The following ARHGEF3 variants were observed in gnomAD, a reference collection of about 807,000 sequenced individuals.
The protein encoded by ARHGEF3 is Rho guanine nucleotide exchange factor 3, also known as 59.8 kDA protein.
Under a neutral mutation model 63.2 loss-of-function variants are expected in ARHGEF3, and 28 were observed. The observed-to-expected ratio is 0.44, with a 90% CI of 0.33 to 0.61. The LOEUF is 0.61. Ranked by LOEUF, ARHGEF3 falls within the 20% of genes least tolerant of loss-of-function variation. ARHGEF3 has a pLI of 0.03. For missense variants in ARHGEF3, 533 were observed against 659.3 expected, an observed-to-expected ratio of 0.81 and a Z score of 2.10; for synonymous variants, 266 against 254.2, an observed-to-expected ratio of 1.05 and a Z score of -0.44.
chr3:57,007,322 A>G (rs1170154569), intron 2 of ARHGEF3: 1 of 1,289,698 alleles, frequency 7.8e-7, no homozygotes, highest in South Asian at 1.2e-5. Context: ...GGTTCCAGAA[A>G]CACCTCCAAC....
chr3:56,899,479 G>A (rs993771790), intron 3 of ARHGEF3, among the ~76,000 whole-genome samples: 1 of 152,134 alleles, frequency 6.6e-6, no homozygotes, highest in Non-Finnish European at 1.5e-5. Context: ...TCAGACAATA[G>A]CACCTAGTTA....
At chr3:56,940,070 CTG>C (rs1426857561) in intron 3 of ARHGEF3, 1 of 152,096 alleles carries the variant, frequency 6.6e-6, no homozygotes, top group East Asian at 1.9e-4. Context: ...CTGTAGATGG[CTG>C]TGTTTCAACT....
chr3:56,808,724 A>AGGT, intron 4 of ARHGEF3, among the ~76,000 whole-genome samples: 1 of 152,204 alleles, frequency 6.6e-6, no homozygotes, highest in Non-Finnish European at 1.5e-5. Flanking sequence ...CCTCTGGTTC[A>AGGT]TAAGAGCAAT....
In ARHGEF3 at chr3:56,892,071, C is replaced by T. The variant is rs371439007; in HGVS notation, c.130-9717G>A. Among the ~76,000 whole-genome samples the T allele has an allele frequency of 3.3e-5, 5 of 152,224 alleles. 1 individual carries two copies. Among genetic ancestry groups the T allele is most frequent in the East Asian group, 3.9e-4 (2 of 5,182 alleles). On this transcript the variant is annotated intron_variant, in intron 3 of 12. Transcript: ENST00000338458. ...GGGAGGAGGGAGGAGACCTAGCCAGCCTGACAGTGCCACCACCAACCCTGA... is the reference window on the plus strand; with the variant it reads ...GGGAGGAGGGAGGAGACCTAGCCAGTCTGACAGTGCCACCACCAACCCTGA...
At chr3:56,791,082 C>CT (rs1466808789) in intron 1 of ARHGEF3, among the ~76,000 whole-genome samples, 1 of 152,130 alleles carries the variant, frequency 6.6e-6, no homozygotes, top group East Asian at 1.9e-4. Context: ...AACATTAGGT[C>CT]TGCAGAGTTC....
chr3:56,730,642 A>G (rs1361758142), intron 9 of ARHGEF3, among the ~76,000 whole-genome samples: 2 of 152,178 alleles, frequency 1.3e-5, no homozygotes, highest in African/African-American at 4.8e-5. Flanking sequence ...CAGCCTCCCA[A>G]AAAGATGGGA....
At chr3:56,923,051 TATATATATATATATATATATATATAA>T (rs2042186278) in intron 3 of ARHGEF3, among the ~76,000 whole-genome samples, 1 of 16,334 alleles carries the variant, frequency 6.1e-5, no homozygotes, top group Admixed American at 6.1e-4. Flanking sequence ...TATATATATA[TATATATATATATATATATATATATAA>T]ATTAGTTGGG....
intron 2 of ARHGEF3, among the ~76,000 whole-genome samples, chr3:56,770,646 C>T (rs1459339240): frequency 4.6e-5 from 7 of 152,034 alleles, no homozygotes; most frequent in Non-Finnish European, 7.4e-5. Flanking sequence ...AACATGGCTG[C>T]TAACTCTGCA....
chr3:56,894,772 A>G (rs2041244421), intron 3 of ARHGEF3, among the ~76,000 whole-genome samples: 1 of 152,154 alleles, frequency 6.6e-6, no homozygotes, highest in African/African-American at 2.4e-5. Context: ...CGAAAGTCCT[A>G]AAAAAGAATT....
chr3:56,937,952 C>T (rs1404838793), intron 3 of ARHGEF3, among the ~76,000 whole-genome samples: 4 of 152,178 alleles, frequency 2.6e-5, no homozygotes, highest in African/African-American at 4.8e-5. Flanking sequence ...CAGTCTCATT[C>T]CCCCTTTTCT....
At chr3:56,802,043 G>C, upstream of ARHGEF3, 1 of 1,366,094 alleles carries the variant, frequency 7.3e-7, no homozygotes, top group Non-Finnish European at 9.4e-7. Flanking sequence ...CCACGCTGCC[G>C]GGAGGGCCCA....
intron 2 of ARHGEF3, among the ~76,000 whole-genome samples, chr3:56,962,688 A>G (rs532859035): frequency 1.3e-5 from 2 of 152,296 alleles, no homozygotes; most frequent in African/African-American, 4.8e-5. Context: ...CAACCTTACA[A>G]AAGGTGGGAA....
intron 1 of ARHGEF3, among the ~76,000 whole-genome samples, chr3:57,049,091 C>T (rs370638256): frequency 1.1e-4 from 17 of 152,334 alleles, no homozygotes; most frequent in African/African-American, 3.6e-4. Context: ...TCCCAGGAGC[C>T]GGGCACGGTG....
upstream of ARHGEF3, chr3:56,802,094 T>A: frequency 9.8e-7 from 1 of 1,023,492 alleles, no homozygotes; most frequent in Admixed American, 4.5e-5. Flanking sequence ...GCGAGGGGCG[T>A]GGGGCGGTCC....
intron 2 of ARHGEF3, chr3:56,975,731 G>C: frequency 2.5e-6 from 1 of 401,302 alleles, no homozygotes; most frequent in South Asian, 1.8e-5. Context: ...AGCCACAACA[G>C]AGGAAAGGAG....
chr3:56,869,379 A>C (rs1217628398), intron 4 of ARHGEF3, among the ~76,000 whole-genome samples: 1 of 152,218 alleles, frequency 6.6e-6, no homozygotes, highest in Non-Finnish European at 1.5e-5. Flanking sequence ...ATACTGAGTC[A>C]GCTCTCTCCG....
chr3:56,938,697 G>T (rs951183479), intron 3 of ARHGEF3: 1 of 152,202 alleles, frequency 6.6e-6, no homozygotes, highest in Non-Finnish European at 1.5e-5. Context: ...AGATAAAACA[G>T]AAATTAGCCA....
intron 3 of ARHGEF3, among the ~76,000 whole-genome samples, chr3:56,919,892 G>A (rs2042082631): frequency 6.6e-6 from 1 of 152,176 alleles, no homozygotes; most frequent in Non-Finnish European, 1.5e-5. Context: ...GTGGGGCCTA[G>A]CAAGCTTACT....
At chr3:57,018,859 G>A (rs371379698) in intron 2 of ARHGEF3, among the ~76,000 whole-genome samples, 2 of 152,240 alleles carry the variant, frequency 1.3e-5, no homozygotes, top group East Asian at 3.9e-4. Context: ...CGAGCTTCAG[G>A]GAAGTTAACA....
Sources: gnomAD v4.1 joint callset for allele counts (sites outside exome capture counted in the v4.1 genomes callset) on GRCh38, gnomAD v4.1.1 for gene constraint, MANE v1.5 for transcripts, NCBI Gene and HGNC (gene_info 2026-07-23, HGNC 2026-07-21) for gene names.